Variants in CDK8 observed in about 807,000 individuals in gnomAD.
CDK8 encodes the protein cyclin dependent kinase 8.
Under a neutral mutation model 71.5 loss-of-function variants are expected in CDK8, and 29 were observed. That is an observed-to-expected ratio of 0.41 (90% confidence interval 0.30 to 0.55). The LOEUF (loss-of-function observed/expected upper bound fraction) is 0.55. CDK8 is among the 20% of genes least tolerant of loss of function. The pLI, the probability that CDK8 is intolerant of heterozygous loss-of-function variation, is 0.37. For missense variants in CDK8, 288 were observed against 572.6 expected (o/e 0.50, Z 5.07); for synonymous variants, 161 against 192.1 (o/e 0.84, Z 1.34).
intron 4 of CDK8, among the ~76,000 whole-genome samples, chr13:26,361,048 A>G (rs1394034745): frequency 6.6e-6 from 1 of 152,134 alleles, no homozygotes; most frequent in African/African-American, 2.4e-5. Flanking sequence ...AGTGAAACCT[A>G]TTTGCTGACC....
rs553508554 is a variant in CDK8 at position 26,361,784 on chromosome 13, C to CTTTT, written c.456+7930_456+7933dup. Among the ~76,000 whole-genome samples the CTTTT allele has an allele frequency of 7.3e-4, 46 of 63,354 alleles. 1 individual carries two copies. Among genetic ancestry groups the CTTTT allele is most frequent in the South Asian group, 1.5e-3 (2 of 1,298 alleles). 41.6% of individuals were successfully genotyped at this position (63,354 alleles called of 152,430 possible). A position where few individuals can be genotyped will look rare whatever the true frequency, so the allele number is the denominator to read the frequency against. On this transcript the variant is annotated intron_variant, in intron 4 of 12. Transcript: ENST00000381527. ...TCTTTTTGTCTTTCTTTTCTTTTCCCTTTTTTTTTTTTTTTTTTTTTTTTT... is the reference window on the plus strand; with the variant it reads ...TCTTTTTGTCTTTCTTTTCTTTTCCCTTTTTTTTTTTTTTTTTTTTTTTTTTTTT...
At chr13:26,305,400 T>A (rs1389779262) in intron 1 of CDK8, among the ~76,000 whole-genome samples, 1 of 152,222 alleles carries the variant, frequency 6.6e-6, no homozygotes, top group Non-Finnish European at 1.5e-5. Flanking sequence ...CTTTGTTTTT[T>A]AAAATAATTT....
intron 1 of CDK8, among the ~76,000 whole-genome samples, chr13:26,298,220 A>G (rs1297269417): frequency 6.6e-6 from 1 of 152,158 alleles, no homozygotes; most frequent in Non-Finnish European, 1.5e-5. Context: ...GTCTGCCTAC[A>G]GTAGTGTGGA....
At chr13:26,273,270 G>T (rs986078997) in intron 1 of CDK8, among the ~76,000 whole-genome samples, 14 of 152,132 alleles carry the variant, frequency 9.2e-5, no homozygotes, top group African/African-American at 3.4e-4. Context: ...GTACTACACT[G>T]TCTTCATTGC....
At chr13:26,288,009 C>T (rs1171990757) in intron 1 of CDK8, among the ~76,000 whole-genome samples, 1 of 152,160 alleles carries the variant, frequency 6.6e-6, no homozygotes, top group African/African-American at 2.4e-5. Flanking sequence ...ATCGCCCAGG[C>T]TGGAGTGCAG....
At chr13:26,385,069 T>A in intron 5 of CDK8, 142 bp from the exon 6 acceptor site, 1 of 666,916 alleles carries the variant, frequency 1.5e-6, no homozygotes. Flanking sequence ...ATGTAAGACT[T>A]CTAAAATGGA....
Position 26,330,744 on chromosome 13 carries a change from A to G in CDK8, c.129-6823A>G, listed in dbSNP as rs990238903. On this transcript the variant is annotated intron_variant, in intron 1 of 12. Transcript: ENST00000381527. Reference sequence around the variant, plus strand: ...ACCATGTTGACCTCCAGTTTCGTCCATGTTGCTGCAAATGACATGATTTCC... The same window carrying G: ...ACCATGTTGACCTCCAGTTTCGTCCGTGTTGCTGCAAATGACATGATTTCC... 2.0e-5 allele frequency among the ~76,000 whole-genome samples: 3 copies of G among 151,922 alleles called. No homozygotes were observed. The East Asian group carries it at 5.8e-4, about 29-fold the overall frequency.
chr13:26,391,714 G>A (rs539366707), intron 6 of CDK8, among the ~76,000 whole-genome samples: 21 of 152,286 alleles, frequency 1.4e-4, no homozygotes, highest in African/African-American at 5.1e-4. Flanking sequence ...AAATAGGTTG[G>A]CCTATGTTTC....
At chr13:26,399,521 C>G (rs940092889) in intron 9 of CDK8, among the ~76,000 whole-genome samples, 10 of 152,196 alleles carry the variant, frequency 6.6e-5, no homozygotes, top group Admixed American at 6.5e-4. Context: ...CCGAAAGCCA[C>G]TGCATTAGAT....
chr13:26,334,916 A>G (rs1040323913), intron 1 of CDK8, among the ~76,000 whole-genome samples: 5 of 152,018 alleles, frequency 3.3e-5, no homozygotes, highest in African/African-American at 1.2e-4. Flanking sequence ...ACTTCTTTCC[A>G]TCTGTATTCG....
At chr13:26,304,731 G>A (rs1873966012) in intron 1 of CDK8, among the ~76,000 whole-genome samples, 1 of 151,918 alleles carries the variant, frequency 6.6e-6, no homozygotes. Flanking sequence ...TGAAATCCTG[G>A]GCTCAAGGGG....
At chr13:26,341,473 T>C (rs1296065860) in intron 2 of CDK8, among the ~76,000 whole-genome samples, 1 of 152,176 alleles carries the variant, frequency 6.6e-6, no homozygotes, top group Non-Finnish European at 1.5e-5. Context: ...TTGAAAAAGG[T>C]TTCACAGGTT....
chr13:26,369,343 A>T (rs916076272), intron 4 of CDK8, among the ~76,000 whole-genome samples: 4 of 147,638 alleles, frequency 2.7e-5, no homozygotes, highest in African/African-American at 7.5e-5. Context: ...TCAGCTACTC[A>T]GGAGGCTGAA....
At chr13:26,339,677 G>A (rs377738165) in intron 2 of CDK8, among the ~76,000 whole-genome samples, 2 of 140,208 alleles carry the variant, frequency 1.4e-5, no homozygotes, top group African/African-American at 2.5e-5. Context: ...TCAAGCCAGC[G>A]GAAAGATATA....
At chr13:26,307,302 C>T (rs1239684777) in intron 1 of CDK8, among the ~76,000 whole-genome samples, 3 of 152,020 alleles carry the variant, frequency 2.0e-5, no homozygotes, top group African/African-American at 7.3e-5. Context: ...ACATAATCAC[C>T]AGGGTGCCTA....
intron 7 of CDK8, among the ~76,000 whole-genome samples, chr13:26,394,812 A>G (rs150659306): frequency 3.9e-5 from 6 of 152,294 alleles, no homozygotes; most frequent in African/African-American, 1.4e-4. Flanking sequence ...TACTAGAGAC[A>G]TGCTTTATGT....
At chr13:26,274,637 T>C (rs1267927929) in intron 1 of CDK8, among the ~76,000 whole-genome samples, 1 of 152,098 alleles carries the variant, frequency 6.6e-6, no homozygotes, top group Admixed American at 6.5e-5. Flanking sequence ...TTCACGATGT[T>C]AGCCAGGATG....
intron 8 of CDK8, among the ~76,000 whole-genome samples, chr13:26,396,774 C>T (rs563041294): frequency 1.3e-5 from 2 of 152,026 alleles, no homozygotes; most frequent in East Asian, 3.9e-4. Flanking sequence ...CAATGCAAAG[C>T]CAGGGATTGG....
chr13:26,305,442 T>C lies in CDK8; in HGVS notation c.129-32125T>C, dbSNP rs189633744. ...GAAGTACTTAAGTGTGGTTTTCTTA[T>C]GCTGCTGTCATTCATAATGCTTCTG... is the stretch of plus-strand genomic sequence containing the variant. On this transcript the variant is annotated intron_variant, in intron 1 of 12. Coordinates refer to ENST00000381527, the MANE Select transcript of CDK8 (RefSeq NM_001260.3). Among the ~76,000 whole-genome samples the C allele has an allele frequency of 9.1e-4, 139 of 152,320 alleles. 1 individual carries two copies. Among genetic ancestry groups the C allele is most frequent in the Admixed American group, 4.2e-3 (65 of 15,304 alleles).
Sources: allele counts gnomAD v4.1 joint callset (sites outside exome capture counted in the v4.1 genomes callset), GRCh38; gene constraint gnomAD v4.1.1; transcripts MANE v1.5; gene names NCBI Gene and HGNC (gene_info 2026-07-23, HGNC 2026-07-21).